The following ESF1 variants were observed in gnomAD, a reference collection of about 807,000 sequenced individuals.
ESF1 encodes the protein ESF1 homolog.
ESF1 carries 58 observed loss-of-function variants against 92.0 expected under a neutral mutation model. The ratio of observed to expected loss-of-function variants is 0.63; its 90% CI spans 0.51 to 0.78. The LOEUF (loss-of-function observed/expected upper bound fraction) is 0.78. Ranked by LOEUF, ESF1 falls within the 30% of genes least tolerant of loss-of-function variation. The pLI, the probability that ESF1 is intolerant of heterozygous loss-of-function variation, is 0.00. For missense variants in ESF1, 922 were observed against 989.1 expected, an observed-to-expected ratio of 0.93 and a Z score of 0.91; for synonymous variants, 321 against 313.7, an observed-to-expected ratio of 1.02 and a Z score of -0.24.
chr20:13,780,906 C>T (rs1568731342), intron 2 of ESF1, among the ~76,000 whole-genome samples: 2 of 152,198 alleles, frequency 1.3e-5, no homozygotes, highest in Non-Finnish European at 2.9e-5. Context: ...TCATTTTGGC[C>T]CTTCAAGACC....
chr20:13,771,570 A>G, intron 5 of ESF1, 87 bp from the exon 6 acceptor site: 1 of 1,123,658 alleles, frequency 8.9e-7, no homozygotes. Context: ...TTCAAGAAAA[A>G]CATATTACAA....
Position 13,778,655 on chromosome 20 carries a change from G to T in ESF1, c.638-2385C>A, listed in dbSNP as rs570176028. ...CAATGGTACACATACCACACTTTGG[G>T]TTATATAATAATAAAGTGTTGCATA... On this transcript the variant is annotated intron_variant, in intron 2 of 13. Transcript: ENST00000617257. 2.0e-5 allele frequency among the ~76,000 whole-genome samples: 3 copies of T among 152,136 alleles called. No individual in the cohort carries two copies. The East Asian group carries it at 5.8e-4, about 29-fold the overall frequency.
At chr20:13,754,598 C>T (rs73256778) in intron 9 of ESF1, among the ~76,000 whole-genome samples, 5,272 of 152,148 alleles carry the variant, frequency 0.035, 307 homozygotes, top group African/African-American at 0.12. Context: ...CTTGATGCTC[C>T]CTTGCAAACA....
intron 8 of ESF1, among the ~76,000 whole-genome samples, chr20:13,765,310 T>A (rs1375182894): frequency 1.3e-5 from 2 of 152,212 alleles, no homozygotes; most frequent in Non-Finnish European, 2.9e-5. Context: ...ACCCTTTCAC[T>A]GAAGATATTA....
At chr20:13,731,821 G>A (rs906981024) in intron 10 of ESF1, among the ~76,000 whole-genome samples, 9 of 152,194 alleles carry the variant, frequency 5.9e-5, no homozygotes, top group African/African-American at 2.2e-4. Context: ...TGTGGGGAAG[G>A]AATGCTGGCA....
chr20:13,735,915 A>G (rs898511916), intron 9 of ESF1, among the ~76,000 whole-genome samples: 15 of 152,134 alleles, frequency 9.9e-5, no homozygotes, highest in African/African-American at 3.6e-4. Context: ...GATGGATAGC[A>G]TGAGATTTTG....
intron 11 of ESF1, among the ~76,000 whole-genome samples, chr20:13,725,924 TTG>T (rs2049897979): frequency 6.6e-6 from 1 of 152,208 alleles, no homozygotes; most frequent in Admixed American, 6.5e-5. Context: ...CTCAAACTTA[TTG>T]TTTCCACATT....
In ESF1 at chr20:13,766,841, C is replaced by T; in HGVS notation, c.1602G>A (p.Met534Ile). 1 of 1,613,842 alleles carries T rather than the reference C, an allele frequency of 6.2e-7. No homozygotes were observed. Among genetic ancestry groups the T allele is most frequent in the African/African-American group, 1.3e-5 (1 of 75,016 alleles). Reference sequence around the variant, plus strand: ...AGGAAGCTAAGTAGGCTTGAAAATCCATGTCCAAAAGCTCTTCCTTTTTAA... The same window carrying T: ...AGGAAGCTAAGTAGGCTTGAAAATCTATGTCCAAAAGCTCTTCCTTTTTAA... ...RKFKKEELLD[M>I]DFQAYLASSS... The change falls in exon 8 of 14, where the codon ATG (methionine) becomes ATA (isoleucine). Residue 534 changes from methionine (M) to isoleucine (I), a missense_variant. Physicochemically the swap from Met to Ile is conservative, Grantham distance 10. Coordinates refer to ENST00000617257, the MANE Select transcript of ESF1 (RefSeq NM_001276380.2).
intron 9 of ESF1, among the ~76,000 whole-genome samples, chr20:13,743,776 A>G (rs1434612285): frequency 1.3e-5 from 2 of 152,304 alleles, no homozygotes; most frequent in East Asian, 1.9e-4. Flanking sequence ...CACAAGATGA[A>G]TAAGTTCTGG....
chr20:13,744,930 C>CTA (rs2050038276), intron 9 of ESF1, among the ~76,000 whole-genome samples: 1 of 152,230 alleles, frequency 6.6e-6, no homozygotes, highest in Admixed American at 6.5e-5. Flanking sequence ...AGGCCACACA[C>CTA]AATAGACTGC....
chr20:13,767,551 CATT>C (rs1257079810), intron 7 of ESF1, among the ~76,000 whole-genome samples: 4 of 149,992 alleles, frequency 2.7e-5, no homozygotes, highest in African/African-American at 7.3e-5. Context: ...AAAAAGTTAA[CATT>C]ATGAATCAGT....
intron 11 of ESF1, among the ~76,000 whole-genome samples, chr20:13,719,594 A>G (rs369542919): frequency 5.3e-5 from 8 of 152,290 alleles, no homozygotes; most frequent in African/African-American, 1.7e-4. Context: ...AAAAAGATCA[A>G]ATTAAAGCCT....
At chr20:13,783,210 G>T in intron 1 of ESF1, 27 bp from the exon 2 acceptor site, 1 of 1,397,958 alleles carries the variant, frequency 7.2e-7, no homozygotes, top group South Asian at 1.4e-5. Context: ...ATGTTTTAAT[G>T]GTAATAATGG....
Position 13,760,218 on chromosome 20 carries a change from C to T in ESF1, c.1667-365G>A, listed in dbSNP as rs969065362. Among the ~76,000 whole-genome samples the T allele has an allele frequency of 4.9e-4, 73 of 150,462 alleles. 1 individual carries two copies. The highest frequency in any genetic ancestry group is 2.1e-4 in the South Asian group (1 of 4,710). On this transcript the variant is annotated intron_variant, in intron 8 of 13. Transcript: ENST00000617257. ...GGAGCGTCTCTGCCTGGCCGCCCAT[C>T]GTCTGGGATGTGAGGAGCCCCTCTG...
At chr20:13,779,283 A>G (rs1402253813) in intron 2 of ESF1, among the ~76,000 whole-genome samples, 4 of 152,198 alleles carry the variant, frequency 2.6e-5, no homozygotes, top group Non-Finnish European at 5.9e-5. Flanking sequence ...AATGATCATT[A>G]CAAACCAAAA....
chr20:13,754,872 TTC>T (rs1240737903), intron 9 of ESF1, among the ~76,000 whole-genome samples: 8 of 152,228 alleles, frequency 5.3e-5, no homozygotes, highest in African/African-American at 1.7e-4. Flanking sequence ...TCTCAGTTAC[TTC>T]TGTCCTCCAC....
At chr20:13,748,319 T>C (rs1382841392) in intron 9 of ESF1, among the ~76,000 whole-genome samples, 1 of 151,848 alleles carries the variant, frequency 6.6e-6, no homozygotes, top group Non-Finnish European at 1.5e-5. Context: ...TAATGTAGTA[T>C]TGTGTGTGAA....
chr20:13,783,826 AAG>A (rs1980426064), intron 1 of ESF1, among the ~76,000 whole-genome samples: 2 of 151,986 alleles, frequency 1.3e-5, no homozygotes, highest in African/African-American at 4.8e-5. Context: ...AAAAAAAAGT[AAG>A]AAAGAAAGAT....
Position 13,771,385 on chromosome 20 carries a change from T to C in ESF1, c.1349A>G (p.Tyr450Cys), listed in dbSNP as rs1945270848. Residue 450 changes from tyrosine (Y) to cysteine (C), a missense_variant, in exon 6 of 14, where the codon TAT becomes TGT. Physicochemically the swap from Tyr to Cys is radical, Grantham distance 194. Transcript: ENST00000617257. ...CDSPETASKI[Y>C]EDCDGLEFES... ...AAATTCCAGGCCATCACAATCCTCA[T>C]AAATTTTACTAGCTGTTTCCGGAGA... 3.7e-6 allele frequency: 6 copies of C among 1,612,928 alleles called. No homozygotes were observed. The highest frequency in any genetic ancestry group is 5.1e-6 in the Non-Finnish European group (6 of 1,179,640).
Sources: allele counts gnomAD v4.1 joint callset (sites outside exome capture counted in the v4.1 genomes callset), GRCh38; gene constraint gnomAD v4.1.1; transcripts MANE v1.5; gene names NCBI Gene and HGNC (gene_info 2026-07-23, HGNC 2026-07-21).